Variants in DOCK2 observed in about 807,000 individuals in gnomAD.
DOCK2 encodes dedicator of cytokinesis protein 2.
In DOCK2, 87 loss-of-function variants were observed where a neutral mutation model predicts 248.9. That is an observed-to-expected ratio of 0.35 (90% confidence interval 0.29 to 0.42). The LOEUF (loss-of-function observed/expected upper bound fraction) is 0.42, where lower values mean the gene tolerates loss of function less well. Among genes scored for constraint, DOCK2 ranks in the 10% least tolerant of loss-of-function variants. The probability of loss-of-function intolerance (pLI) is 1.00; values close to 1 mark genes in which losing one functional copy is unlikely to be tolerated. For synonymous variants in DOCK2, 805 were observed against 821.6 expected (o/e 0.98, Z 0.35); for missense variants, 1,747 against 2,300.2 (o/e 0.76, Z 4.92).
chr5:169,985,949 C>G (rs750685174), intron 29 of DOCK2, 27 bp downstream of exon 29: 11 of 1,584,210 alleles, frequency 6.9e-6, no homozygotes, highest in Non-Finnish European at 9.5e-6. Flanking sequence ...TTCCGCAAAG[C>G]TACCTTACCC....
intron 27 of DOCK2, among the ~76,000 whole-genome samples, chr5:169,961,317 T>A (rs1301984415): frequency 6.6e-6 from 1 of 152,252 alleles, no homozygotes; most frequent in African/African-American, 2.4e-5. Flanking sequence ...GAATGGAATA[T>A]AATTGAAGTG....
At chr5:169,746,989 G>C (rs193297270) in intron 22 of DOCK2, among the ~76,000 whole-genome samples, 2 of 152,326 alleles carry the variant, frequency 1.3e-5, no homozygotes, top group East Asian at 3.9e-4. Context: ...CAGACAATGG[G>C]TGGCGGAAAT....
chr5:169,750,635 G>A (rs1398031721), intron 23 of DOCK2, among the ~76,000 whole-genome samples: 1 of 152,140 alleles, frequency 6.6e-6, no homozygotes, highest in Non-Finnish European at 1.5e-5. Context: ...TATAATTTGG[G>A]CCAGGTTTGT....
chr5:169,938,468 G>A (rs191326477), intron 27 of DOCK2, among the ~76,000 whole-genome samples: 4 of 152,240 alleles, frequency 2.6e-5, no homozygotes, highest in Non-Finnish European at 5.9e-5. Context: ...TTACTCTCCC[G>A]AATACTGTAG....
chr5:169,774,685 T>A (rs537815594), intron 25 of DOCK2, among the ~76,000 whole-genome samples: 1 of 152,318 alleles, frequency 6.6e-6, no homozygotes, highest in East Asian at 1.9e-4. Flanking sequence ...AGGGTCATAG[T>A]TATTATGAGA....
intron 27 of DOCK2, among the ~76,000 whole-genome samples, chr5:169,887,716 T>C (rs1773051253): frequency 6.6e-6 from 1 of 152,266 alleles, no homozygotes; most frequent in South Asian, 2.1e-4. Flanking sequence ...AGCTCTTGTC[T>C]AATTATCTTC....
chr5:169,719,411 G>A (rs1054729372), intron 22 of DOCK2, among the ~76,000 whole-genome samples: 18 of 152,368 alleles, frequency 1.2e-4, no homozygotes, highest in African/African-American at 4.3e-4. Flanking sequence ...GATTGTTTGT[G>A]TGTAATCAGG....
chr5:169,929,144 G>C lies in DOCK2; in HGVS notation c.2800-53924G>C, dbSNP rs76621262. Among the ~76,000 whole-genome samples, 1,038 of 152,274 alleles carry C rather than the reference G, an allele frequency of 6.8e-3. 2 individuals carry two copies. Among genetic ancestry groups the C allele is most frequent in the East Asian group, 0.022 (112 of 5,156 alleles). On this transcript the variant is annotated intron_variant, in intron 27 of 51. Coordinates refer to ENST00000520908, the MANE Select transcript of DOCK2 (RefSeq NM_004946.3). The stretch of plus-strand genomic sequence containing the variant: ...CAGAGTGCCTATGCAGGAAGCCCAC[G>C]CACATAGCACTTAGGCATAGCAGGG...
intron 1 of DOCK2, among the ~76,000 whole-genome samples, chr5:169,648,656 T>C (rs745445680): frequency 7.9e-5 from 12 of 152,144 alleles, no homozygotes; most frequent in Non-Finnish European, 1.3e-4. Context: ...CACCCCAGGA[T>C]GTTTACTTGA....
intron 27 of DOCK2, among the ~76,000 whole-genome samples, chr5:169,905,097 A>G (rs1774201719): frequency 6.6e-6 from 1 of 152,178 alleles, no homozygotes; most frequent in East Asian, 1.9e-4. Flanking sequence ...CTCAGTAAAT[A>G]TGAGGTGCTG....
chr5:170,025,790 C>CCCTCCCTT (rs1554126871), intron 33 of DOCK2, among the ~76,000 whole-genome samples: 12 of 67,616 alleles, frequency 1.8e-4, no homozygotes, highest in African/African-American at 3.6e-4. Flanking sequence ...CTCCTTCCCT[C>CCCTCCCTT]CCTTCCTTCC....
chr5:169,811,787 T>G (rs1246407582), intron 26 of DOCK2, among the ~76,000 whole-genome samples: 1 of 152,128 alleles, frequency 6.6e-6, no homozygotes, highest in Non-Finnish European at 1.5e-5. Context: ...CTAGGTGACA[T>G]TCCCAACTCA....
chr5:169,901,812 C>T (rs1043703298), intron 27 of DOCK2, among the ~76,000 whole-genome samples: 3 of 152,138 alleles, frequency 2.0e-5, no homozygotes, highest in African/African-American at 7.2e-5. Context: ...GTTTTCTGGA[C>T]CCTCAGCCAT....
intron 23 of DOCK2, among the ~76,000 whole-genome samples, chr5:169,755,004 G>C (rs893958000): frequency 2.0e-5 from 3 of 151,818 alleles, no homozygotes; most frequent in African/African-American, 7.3e-5. Flanking sequence ...AGTGGCAAAA[G>C]ACAGAACACT....
In DOCK2 at chr5:169,965,293, C is replaced by T. The variant is rs73800250; in HGVS notation, c.2800-17775C>T. On this transcript the variant is annotated intron_variant, in intron 27 of 51. Coordinates refer to ENST00000520908, the MANE Select transcript of DOCK2 (RefSeq NM_004946.3). ...TTCTTCAGCTGCGGGCTGGGGCTTG[C>T]AGTTCTTCATTTCTAAGAAGCTCCC... Among the ~76,000 whole-genome samples, 1,027 of 152,336 alleles carry T rather than the reference C, an allele frequency of 6.7e-3. 9 individuals are homozygous for T. Among genetic ancestry groups the T allele is most frequent in the African/African-American group, 0.024 (992 of 41,586 alleles).
At chr5:169,654,844 T>C (rs1261088225) in intron 2 of DOCK2, among the ~76,000 whole-genome samples, 1 of 152,178 alleles carries the variant, frequency 6.6e-6, no homozygotes, top group Non-Finnish European at 1.5e-5. Context: ...ATCACACCTC[T>C]AATTCCAGGA....
intron 25 of DOCK2, among the ~76,000 whole-genome samples, chr5:169,775,912 G>A (rs1045784036): frequency 1.3e-5 from 2 of 151,298 alleles, no homozygotes; most frequent in Non-Finnish European, 2.9e-5. Context: ...CTTGCTAAGG[G>A]GGGCCTTGGA....
intron 27 of DOCK2, among the ~76,000 whole-genome samples, chr5:169,980,008 T>C (rs1412896816): frequency 6.6e-6 from 1 of 152,182 alleles, no homozygotes; most frequent in African/African-American, 2.4e-5. Flanking sequence ...AGATCCAAGG[T>C]TTGTTTTTCT....
intron 27 of DOCK2, chr5:169,875,170 C>T: frequency 2.2e-6 from 1 of 454,718 alleles, no homozygotes; most frequent in South Asian, 1.6e-5. Context: ...TCTTTCAAGA[C>T]CCTGATTTTT....
Sources: gnomAD v4.1 joint callset for allele counts (sites outside exome capture counted in the v4.1 genomes callset) on GRCh38, gnomAD v4.1.1 for gene constraint, MANE v1.5 for transcripts, NCBI Gene and HGNC (gene_info 2026-07-23, HGNC 2026-07-21) for gene names.